Variants in PIDD1 observed in about 807,000 individuals in gnomAD.
The protein encoded by PIDD1 is p53-induced death domain-containing protein 1.
In PIDD1, 72 loss-of-function variants were observed where a neutral mutation model predicts 80.0. That is an observed-to-expected ratio of 0.90 (90% CI 0.74 to 1.09). PIDD1 has a LOEUF of 1.09. Among genes scored for constraint, PIDD1 ranks in the 50% least tolerant of loss-of-function variants. The probability of loss-of-function intolerance (pLI) is 0.00; values close to 1 mark genes in which losing one functional copy is unlikely to be tolerated. For missense variants in PIDD1, 1,329 were observed against 1,228.3 expected (o/e 1.08, Z -1.23); for synonymous variants, 655 against 543.5 (o/e 1.21, Z -2.85).
chr11:800,720 C>G (rs371374985), intron 11 of PIDD1, 42 bp downstream of exon 11: 2 of 1,547,424 alleles, frequency 1.3e-6, no homozygotes, highest in Non-Finnish European at 1.7e-6. Context: ...CCACCCCAGC[C>G]CTCTGGTCAC....
intron 1 of PIDD1, chr11:804,679 C>T: frequency 2.4e-6 from 1 of 418,308 alleles, no homozygotes. Flanking sequence ...GCAGGAGCAC[C>T]GGGCAGGGAG....
At chr11:807,645 C>T (rs887243473), upstream of PIDD1, among the ~76,000 whole-genome samples, 3 of 152,048 alleles carry the variant, frequency 2.0e-5, no homozygotes, top group African/African-American at 7.2e-5. Context: ...GGCGCGGTAG[C>T]AGGCGCCTGT....
chr11:799,193 C>T lies in PIDD1; in HGVS notation c.*114G>A. 1 of 1,073,904 alleles carries T rather than the reference C, an allele frequency of 9.3e-7. No homozygotes were observed. Among genetic ancestry groups the T allele is most frequent in the Non-Finnish European group, 1.3e-6 (1 of 770,300 alleles). The allele number at this position is 1,073,904 out of a possible 1,614,324, so 66.5% of individuals were successfully genotyped here. A position where few individuals can be genotyped will look rare whatever the true frequency, so the allele number is the denominator to read the frequency against. ...AAATCAAGCTCTGAGGTGAAAGAAA[C>T]AGTGCAGTTTTGTTGCTCACAGGGA... is the stretch of plus-strand genomic sequence containing the variant. On this transcript the variant is annotated 3_prime_UTR_variant, in exon 16 of 16. Coordinates refer to ENST00000347755, the MANE Select transcript of PIDD1 (RefSeq NM_145886.4).
At chr11:807,740 G>A (rs569793947), upstream of PIDD1, among the ~76,000 whole-genome samples, 50 of 152,284 alleles carry the variant, frequency 3.3e-4, no homozygotes, top group Non-Finnish European at 5.0e-4. Flanking sequence ...TCACGCGACT[G>A]CACTCCAGCC....
Position 799,388 on chromosome 11 carries a change from G to C in PIDD1, c.2652C>G (p.Ile884Met), listed in dbSNP as rs1343747525. The change falls in exon 16 of 16, where the codon ATC becomes ATG. Residue 884 changes from isoleucine to methionine, a missense_variant. Transcript: ENST00000347755. ...ELGRRKYQDSIRRMGLAPKDP... is the reference protein window; with the variant it reads ...ELGRRKYQDSMRRMGLAPKDP... ...CCTTGGGGGCCAAGCCCATGCGTCG[G>C]ATGCTGTCCTGGTACTTGCGGCGGC... 5.0e-6 allele frequency: 8 copies of C among 1,611,852 alleles called. No individual in the cohort carries two copies. The South Asian group carries it at 8.8e-5, about 18-fold the overall frequency.
In PIDD1 at chr11:800,513, A is replaced by G. The variant is rs200293431; in HGVS notation, c.2041+30T>C. 258 of 1,609,758 alleles carry G rather than the reference A, an allele frequency of 1.6e-4. No individual in the cohort carries two copies. In the East Asian group the frequency reaches 3.6e-3, roughly 23 times the overall value. On this transcript the variant is annotated intron_variant, in intron 12 of 15. Coordinates refer to ENST00000347755, the MANE Select transcript of PIDD1 (RefSeq NM_145886.4). ...GGGAGGACGGTAAGGCTCCCCCTCC[A>G]GGGCAGGGAGCATCCACCAGCATCC...
At chr11:803,033 T>C (rs1865504446) in intron 3 of PIDD1, 141 bp downstream of exon 3, 1 of 951,858 alleles carries the variant, frequency 1.1e-6, no homozygotes, top group African/African-American at 1.6e-5. Flanking sequence ...ACTGAGGGAG[T>C]CTCAAAGGCC....
chr11:800,189 G>C lies in PIDD1; in HGVS notation c.2216C>G (p.Ala739Gly), dbSNP rs1326487975. ...PVRVPEEAEA[A>G]RQRKGADALW... ...GGCGTCTGCGCCCTTCCTCTGCCGG[G>C]CAGCCTCAGCCTCCTCGGGCACCCG... The change falls in exon 14 of 16, where the codon GCC becomes GGC. Residue 739 changes from alanine to glycine, a missense_variant. Transcript: ENST00000347755. 1.9e-6 allele frequency: 3 copies of C among 1,610,640 alleles called. No homozygotes were observed. The African/African-American group carries it at 4.0e-5, about 21-fold the overall frequency.
At position 801,511 on chromosome 11, in the gene PIDD1, AC is replaced by A; in HGVS notation, c.1415del (p.Gly472ValfsTer43). On this transcript the variant is annotated frameshift_variant, in exon 8 of 16. Coordinates refer to ENST00000347755, the MANE Select transcript of PIDD1 (RefSeq NM_145886.4). LOFTEE classifies it high-confidence loss of function. ...PPEGTLLCSSGHPGVKVIFPP... is the reference protein window; with the variant it reads ...PPEGTLLCSSXHPGVKVIFPP... ...GGAAGATGACTTTGACCCCAGGATG[AC>A]CCGAGGAGCACAGCAGTGTCCCCTC... 1 of 1,554,874 alleles carries A rather than the reference AC, an allele frequency of 6.4e-7. No homozygotes were observed.
rs763970972 is a variant in PIDD1, at chr11:799,822, C to T, written c.2467G>A (p.Glu823Lys). 26 of 1,580,560 alleles carry T rather than the reference C, an allele frequency of 1.6e-5. No homozygotes were observed. Among genetic ancestry groups the T allele is most frequent in the South Asian group, 4.5e-5 (4 of 88,114 alleles). ...SYREVQRIRH[E>K]FRDDLDEQIR... Reference sequence around the variant, plus strand: ...GGGCAGTGGGAGCCTCACCGGAACTCGTGCCGGATGCGCTGCACCTCCCGG... The same window carrying T: ...GGGCAGTGGGAGCCTCACCGGAACTTGTGCCGGATGCGCTGCACCTCCCGG... Residue 823 changes from glutamate to lysine, a missense_variant, in exon 15 of 16, where the codon GAG (glutamate) becomes AAG (lysine). Physicochemically the swap from Glu to Lys is moderately conservative, Grantham distance 56. Transcript: ENST00000347755.
rs750188700 is a variant in PIDD1, at chr11:803,297, G to A, written c.586C>T (p.Leu196=). ...LPPALGALST[L]QRLDLSQNLL... ...TTCTGAGAGAGATCGAGGCGCTGCA[G>A]GGTGGATAGGGCCCCCAGTGCTGGG... Residue 196 remains leucine (L), a synonymous_variant, in exon 3 of 16, where the codon CTG becomes TTG. Coordinates refer to ENST00000347755, the MANE Select transcript of PIDD1 (RefSeq NM_145886.4). The A allele has an allele frequency of 6.2e-7, 1 of 1,613,902 alleles. No individual in the cohort carries two copies. The highest frequency in any genetic ancestry group is 1.1e-5 in the South Asian group (1 of 91,080).
Position 800,778 on chromosome 11 carries a change from C to A in PIDD1, c.1901G>T (p.Cys634Phe). 1 of 1,550,608 alleles carries A rather than the reference C, an allele frequency of 6.4e-7. No homozygotes were observed. The highest frequency in any genetic ancestry group is 8.7e-7 in the Non-Finnish European group (1 of 1,147,804). The change falls in exon 11 of 16, where the codon TGC (cysteine) becomes TTC (phenylalanine). Residue 634 changes from cysteine (C) to phenylalanine (F), a missense_variant. Cys to Phe is a radical substitution (Grantham distance 205). Transcript: ENST00000347755. ...TGCCCCCACCTTGTTTCGGGGCAGG[C>A]ACTGCAGCAGGACCTGCTCAGGGTC... ...RRDPEQVLLQ[C>F]LPRNKVDATL...
upstream of PIDD1, among the ~76,000 whole-genome samples, chr11:807,731 C>T (rs1238941522): frequency 1.3e-5 from 2 of 150,802 alleles, no homozygotes; most frequent in Non-Finnish European, 3.0e-5. Context: ...GAGCCAAGAT[C>T]ACGCGACTGC....
At position 800,883 on chromosome 11, in the gene PIDD1, C is replaced by T. The variant is rs748934872; in HGVS notation, c.1796G>A (p.Cys599Tyr). 8 of 1,588,528 alleles carry T rather than the reference C, an allele frequency of 5.0e-6. No homozygotes were observed. The South Asian group carries it at 9.1e-5, about 18-fold the overall frequency. ...GGCCTTCCGAGCCAGGCCTCCCACA[C>T]AGTTCTTGGTGGTGTACCAGAGCCA... The part of the protein sequence containing the change: ...WYWLWYTTKN[C>Y]VGGLARKAWE... Residue 599 changes from cysteine (C) to tyrosine (Y), a missense_variant, in exon 11 of 16, where the codon TGT becomes TAT. Transcript: ENST00000347755.
chr11:800,504 TC>T (rs775986099), intron 12 of PIDD1, 38 bp downstream of exon 12: 137 of 1,609,356 alleles, frequency 8.5e-5, no homozygotes, highest in Non-Finnish European at 1.2e-4. Flanking sequence ...ACGGTAAGGC[TC>T]CCCCTCCAGG....
At position 802,563 on chromosome 11, in the gene PIDD1, G is replaced by A. The variant is rs939933402; in HGVS notation, c.954C>T (p.Phe318=). Residue 318 remains phenylalanine, a synonymous_variant, in exon 5 of 16, where the codon TTC becomes TTT. Transcript: ENST00000347755. The part of the protein sequence containing the change: ...AALIPEMPRL[F]LTSDLDSFPV... ...CATACCTGTCCAAATCTGAGGTCAGGAACAGTCTGGGCATTTCTGGAATGA... is the reference window on the plus strand; with the variant it reads ...CATACCTGTCCAAATCTGAGGTCAGAAACAGTCTGGGCATTTCTGGAATGA... The A allele has an allele frequency of 8.7e-6, 14 of 1,613,260 alleles. No individual in the cohort carries two copies. The highest frequency in any genetic ancestry group is 6.6e-5 in the South Asian group (6 of 90,968).
At position 803,290 on chromosome 11, in the gene PIDD1, C is replaced by T. The variant is rs763491275; in HGVS notation, c.593G>A (p.Arg198His). 3.0e-5 allele frequency: 48 copies of T among 1,613,628 alleles called. No individual in the cohort carries two copies. The highest frequency in any genetic ancestry group is 6.7e-5 in the Admixed American group (4 of 60,004). Residue 198 changes from arginine (R) to histidine (H), a missense_variant, in exon 3 of 16, where the codon CGC becomes CAC. Transcript: ENST00000347755. ...CAGCAGATTCTGAGAGAGATCGAGG[C>T]GCTGCAGGGTGGATAGGGCCCCCAG... is the stretch of plus-strand genomic sequence containing the variant. ...PALGALSTLQ[R>H]LDLSQNLLDT...
intron 15 of PIDD1, 71 bp from the exon 16 acceptor site, chr11:799,636 G>A (rs542125011): frequency 1.8e-5 from 26 of 1,475,842 alleles, no homozygotes; most frequent in South Asian, 1.3e-4. Flanking sequence ...ACTCTGCCTC[G>A]GAGTGTGGGG....
At chr11:803,678 G>T in intron 2 of PIDD1, 91 bp from the exon 3 acceptor site, 1 of 1,441,788 alleles carries the variant, frequency 6.9e-7, no homozygotes, top group South Asian at 1.3e-5. Flanking sequence ...TGCTCGAGAG[G>T]CACAGACCTC....
Sources: gnomAD v4.1 joint callset for allele counts (sites outside exome capture counted in the v4.1 genomes callset) on GRCh38, gnomAD v4.1.1 for gene constraint, MANE v1.5 for transcripts, NCBI Gene and HGNC (gene_info 2026-07-23, HGNC 2026-07-21) for gene names.